DNHD1: variants seen among roughly 807,000 people sequenced by gnomAD.
DNHD1 encodes dynein heavy chain domain-containing protein 1.
Under a neutral mutation model 458.1 loss-of-function variants are expected in DNHD1, and 383 were observed. The observed-to-expected ratio is 0.84, with a 90% CI of 0.77 to 0.91. The LOEUF (loss-of-function observed/expected upper bound fraction) is 0.91. DNHD1 is among the 40% of genes least tolerant of loss of function. The pLI is 0.00. For synonymous variants in DNHD1, 2,203 were observed against 2,376.9 expected (o/e 0.93, Z 2.13); for missense variants, 5,336 against 5,866.1 (o/e 0.91, Z 2.95).
intron 14 of DNHD1, among the ~76,000 whole-genome samples, chr11:6,537,620 C>T (rs985494483): frequency 2.6e-5 from 4 of 152,058 alleles, no homozygotes; most frequent in African/African-American, 4.8e-5. Flanking sequence ...ACCAGATAGC[C>T]TGCATAGGCC....
Position 6,519,803 on chromosome 11 carries a change from C to T in DNHD1, c.1596C>T (p.Leu532=). ...RLVDYMICQS[L]ISVLEEQITS... is the part of the protein sequence containing the mutation. The stretch of plus-strand genomic sequence containing the variant: ...TTGACTACATGATTTGTCAGAGCCT[C>T]ATTTCTGTCTTGGAAGAGCAGATAA... The change falls in exon 8 of 43, where the codon CTC becomes CTT. Residue 532 remains leucine, a synonymous_variant. Transcript: ENST00000254579. 6.2e-7 allele frequency: 1 copy of T among 1,613,366 alleles called. No homozygotes were observed. Among genetic ancestry groups the T allele is most frequent in the South Asian group, 1.1e-5 (1 of 91,086 alleles).
intron 3 of DNHD1, among the ~76,000 whole-genome samples, chr11:6,501,626 T>A (rs1181082267): frequency 6.6e-6 from 1 of 151,890 alleles, no homozygotes; most frequent in Non-Finnish European, 1.5e-5. Flanking sequence ...GGGATGGAAC[T>A]GGGAGCTCAG....
intron 24 of DNHD1, 155 bp downstream of exon 24, chr11:6,549,088 C>A: frequency 1.2e-6 from 1 of 809,386 alleles, no homozygotes; most frequent in Non-Finnish European, 1.9e-6. Flanking sequence ...GCTCCCTGAA[C>A]AATCCCATCC....
At chr11:6,519,523 A>G in intron 7 of DNHD1, 77 bp from the exon 8 acceptor site, 1 of 1,538,134 alleles carries the variant, frequency 6.5e-7, no homozygotes. Flanking sequence ...CCAAGACCTG[A>G]GAGTTTGCAC....
At chr11:6,552,912 T>C (rs760043491) in intron 24 of DNHD1, among the ~76,000 whole-genome samples, 4 of 152,172 alleles carry the variant, frequency 2.6e-5, no homozygotes, top group Admixed American at 6.6e-5. Flanking sequence ...GCCTCATACC[T>C]AAGAAAAGTT....
intron 24 of DNHD1, among the ~76,000 whole-genome samples, chr11:6,551,447 C>A (rs1459480398): frequency 6.6e-6 from 1 of 151,848 alleles, no homozygotes; most frequent in Admixed American, 6.6e-5. Flanking sequence ...AAAAGGAAAT[C>A]AATAATAAAG....
Position 6,511,262 on chromosome 11 carries a change from C to G in DNHD1, c.1236-11C>G, listed in dbSNP as rs1275791896. 6.2e-7 allele frequency: 1 copy of G among 1,613,728 alleles called. No homozygotes were observed. Among genetic ancestry groups the G allele is most frequent in the Admixed American group, 1.7e-5 (1 of 59,968 alleles). On this transcript the variant is annotated splice_polypyrimidine_tract_variant and intron_variant, in intron 6 of 42. Transcript: ENST00000254579. Reference sequence around the variant, plus strand: ...GATGCCAGCTCTGACCAGCTTAGTCCTTGATTCTAGGCTTCTGCAGGAGCT... The same window carrying G: ...GATGCCAGCTCTGACCAGCTTAGTCGTTGATTCTAGGCTTCTGCAGGAGCT...
chr11:6,568,047 G>A lies in DNHD1; in HGVS notation c.12352-9G>A. On this transcript the variant is annotated splice_polypyrimidine_tract_variant and intron_variant, in intron 36 of 42. Coordinates refer to ENST00000254579, the MANE Select transcript of DNHD1 (RefSeq NM_144666.3). The stretch of plus-strand genomic sequence containing the variant: ...TGAGTCATGCTGCCATCTCTTTTTT[G>A]GTCCCCAGGGGCAGAAGCAACTGCA... The A allele has an allele frequency of 6.5e-7, 1 of 1,549,542 alleles. No individual in the cohort carries two copies. The highest frequency in any genetic ancestry group is 1.4e-5 in the African/African-American group (1 of 72,930).
chr11:6,550,092 T>C (rs540991272), intron 24 of DNHD1, among the ~76,000 whole-genome samples: 21 of 152,354 alleles, frequency 1.4e-4, no homozygotes, highest in Middle Eastern at 3.4e-3. Context: ...TAATAGCCAG[T>C]ACAATTTATT....
intron 24 of DNHD1, among the ~76,000 whole-genome samples, chr11:6,549,704 A>G (rs1853295782): frequency 6.6e-6 from 1 of 152,232 alleles, no homozygotes; most frequent in African/African-American, 2.4e-5. Context: ...TGATTTTATT[A>G]TTGTATGCTT....
Position 6,556,805 on chromosome 11 carries a change from G to A in DNHD1, c.7510G>A (p.Val2504Ile). Residue 2504 changes from valine (V) to isoleucine (I), a missense_variant, in exon 25 of 43, where the codon GTC becomes ATC. Physicochemically the swap from Val to Ile is conservative, Grantham distance 29 (BLOSUM62 3). Around this residue, in one of 4 missense-constraint regions of DNHD1, gnomAD observed 3,932 missense variants for 4,365.6 expected, o/e 0.90. Transcript: ENST00000254579. ...LQPTVNFLATVTVPGYCERPL... is the reference protein window; with the variant it reads ...LQPTVNFLATITVPGYCERPL... ...GCCTACAGTCAACTTCCTTGCCACT[G>A]TCACAGTGCCAGGATACTGTGAGCG... 1 of 1,551,646 alleles carries A rather than the reference G, an allele frequency of 6.4e-7. No homozygotes were observed. The highest frequency in any genetic ancestry group is 8.7e-7 in the Non-Finnish European group (1 of 1,146,942).
rs766764506 is a variant in DNHD1, at chr11:6,528,769, A to G, written c.2085A>G (p.Ile695Met). 4 of 1,551,696 alleles carry G rather than the reference A, an allele frequency of 2.6e-6. No individual in the cohort carries two copies. The highest frequency in any genetic ancestry group is 1.7e-4 in the Middle Eastern group (1 of 5,988). Residue 695 changes from isoleucine (I) to methionine (M), a missense_variant, in exon 11 of 43, where the codon ATA becomes ATG. Physicochemically the swap from Ile to Met is conservative, Grantham distance 10. Around this residue, in one of 4 missense-constraint regions of DNHD1, gnomAD observed 3,932 missense variants for 4,365.6 expected, o/e 0.90. Coordinates refer to ENST00000254579, the MANE Select transcript of DNHD1 (RefSeq NM_144666.3). ...CTAAGATCCAGCAGGCACTGAATAT[A>G]CAACAGGTGCTGCTGGAGGTGAGAA... ...NNPKIQQALN[I>M]QQVLLEGVLC...
In DNHD1 at chr11:6,548,158, A is replaced by G; in HGVS notation, c.6906-52A>G. ...GGTGGAGTGTGTGAGTGTGTCATAA[A>G]TGGAAGTGTTGTAACTGTCTGACGC... On this transcript the variant is annotated intron_variant, in intron 22 of 42. Transcript: ENST00000254579. The surrounding 1 kb of genome is among the most constrained non-coding windows in gnomAD (Gnocchi z 4.4). 1 of 1,546,678 alleles carries G rather than the reference A, an allele frequency of 6.5e-7. No homozygotes were observed. The highest frequency in any genetic ancestry group is 8.8e-7 in the Non-Finnish European group (1 of 1,142,732).
chr11:6,556,576 A>G (rs1425778687), intron 24 of DNHD1, 107 bp from the exon 25 acceptor site: 2 of 1,138,132 alleles, frequency 1.8e-6, no homozygotes, highest in Admixed American at 2.8e-5. Context: ...AACACGTCAG[A>G]TTCACAAAAT....
At chr11:6,532,365 C>T (rs1356638667) in intron 12 of DNHD1, among the ~76,000 whole-genome samples, 1 of 152,132 alleles carries the variant, frequency 6.6e-6, no homozygotes, top group Non-Finnish European at 1.5e-5. Flanking sequence ...TAAAGTTGTT[C>T]ATACTGCCAA....
At chr11:6,551,143 A>G (rs549783623) in intron 24 of DNHD1, among the ~76,000 whole-genome samples, 2 of 152,366 alleles carry the variant, frequency 1.3e-5, no homozygotes, top group South Asian at 4.1e-4. Flanking sequence ...AACATTTTAA[A>G]TAATATTTTA....
rs1267065289 is a variant in DNHD1 at position 6,568,437 on chromosome 11, C to G, written c.12539-17C>G. 6.2e-7 allele frequency: 1 copy of G among 1,612,426 alleles called. No homozygotes were observed. The highest frequency in any genetic ancestry group is 8.5e-7 in the Non-Finnish European group (1 of 1,179,876). On this transcript the variant is annotated splice_polypyrimidine_tract_variant and intron_variant, in intron 37 of 42. Coordinates refer to ENST00000254579, the MANE Select transcript of DNHD1 (RefSeq NM_144666.3). Reference sequence around the variant, plus strand: ...CCTTTATCCAAGGACTGATCTCAGACCCTTGTCTGACTCTAGTGGTTGCAG... The same window carrying G: ...CCTTTATCCAAGGACTGATCTCAGAGCCTTGTCTGACTCTAGTGGTTGCAG...
Position 6,567,589 on chromosome 11 carries a change from C to A in DNHD1, c.12080C>A (p.Ala4027Glu). 2 of 1,613,372 alleles carry A rather than the reference C, an allele frequency of 1.2e-6. No homozygotes were observed. Among genetic ancestry groups the A allele is most frequent in the Non-Finnish European group, 1.7e-6 (2 of 1,179,610 alleles). ...LSLSSTVLGP[A>E]PGPGPEPLSL... Reference sequence around the variant, plus strand: ...CTGTCATCCACAGTGCTGGGTCCTGCACCTGGGCCAGGGCCTGAGCCACTC... The same window carrying A: ...CTGTCATCCACAGTGCTGGGTCCTGAACCTGGGCCAGGGCCTGAGCCACTC... Residue 4027 changes from alanine (A) to glutamate (E), a missense_variant, in exon 36 of 43, where the codon GCA becomes GAA. By Grantham distance (107) the Ala-to-Glu change is moderately radical. Around this residue, in one of 4 missense-constraint regions of DNHD1, gnomAD observed 695 missense variants for 804.2 expected, o/e 0.86. Coordinates refer to ENST00000254579, the MANE Select transcript of DNHD1 (RefSeq NM_144666.3).
chr11:6,504,590 C>T (rs893691009), intron 4 of DNHD1, among the ~76,000 whole-genome samples: 2 of 152,220 alleles, frequency 1.3e-5, no homozygotes, highest in Admixed American at 6.5e-5. Flanking sequence ...GCTGGGATTA[C>T]AGGCATGTGT....
Sources: gnomAD v4.1 joint callset for allele counts (sites outside exome capture counted in the v4.1 genomes callset) on GRCh38, gnomAD v4.1.1 for gene constraint, gnomAD v4.1.1 regional missense constraint, Gnocchi (gnomAD v3.1) non-coding constraint, MANE v1.5 for transcripts, NCBI Gene and HGNC (gene_info 2026-07-23, HGNC 2026-07-21) for gene names.